PEAK1: variants seen among roughly 807,000 people sequenced by gnomAD.
PEAK1 encodes the protein inactive tyrosine-protein kinase PEAK1.
In PEAK1, 54 loss-of-function variants were observed where a neutral mutation model predicts 124.7. The ratio of observed to expected loss-of-function variants is 0.43; its 90% CI spans 0.35 to 0.54. PEAK1 has a LOEUF of 0.54. PEAK1 is among the 20% of genes least tolerant of loss of function. The pLI, the probability that PEAK1 is intolerant of heterozygous loss-of-function variation, is 0.01. For missense variants in PEAK1, 2,046 were observed against 2,134.5 expected (o/e 0.96, Z 0.82); for synonymous variants, 719 against 760.0 (o/e 0.95, Z 0.89).
At chr15:77,130,602 G>A (rs918841775) in intron 9 of PEAK1, among the ~76,000 whole-genome samples, 2 of 152,096 alleles carry the variant, frequency 1.3e-5, no homozygotes, top group African/African-American at 4.8e-5. Context: ...GATACCATCT[G>A]GTCTTTCTAA....
chr15:77,102,413 T>C (rs915324163), exon 7 of PEAK1: 1 of 152,238 alleles, frequency 6.6e-6, no homozygotes, highest in African/African-American at 2.4e-5. Context: ...GTCAAACCTA[T>C]TGATCTTTCC....
chr15:77,278,205 C>T (rs1363413719), intron 5 of PEAK1, among the ~76,000 whole-genome samples: 1 of 151,940 alleles, frequency 6.6e-6, no homozygotes, highest in Non-Finnish European at 1.5e-5. Flanking sequence ...ACACTGGAAA[C>T]GAAATGTTCA....
chr15:77,404,306 TG>T (rs1567359241), intron 1 of PEAK1: 8 of 985,390 alleles, frequency 8.1e-6, no homozygotes, highest in Non-Finnish European at 9.6e-6. Context: ...TTGCATCTTC[TG>T]GGGGGAAATT....
intron 5 of PEAK1, among the ~76,000 whole-genome samples, chr15:77,258,950 T>G (rs907424321): frequency 6.6e-6 from 1 of 152,236 alleles, no homozygotes; most frequent in African/African-American, 2.4e-5. Context: ...TGTTGAATTT[T>G]GTCAAAGGCC....
Position 77,315,413 on chromosome 15 carries a change from G to C in PEAK1, c.-602-28909C>G, listed in dbSNP as rs759553492. On this transcript the variant is annotated intron_variant, in intron 2 of 9. Transcript: ENST00000682557. ...AACATTTTATTCTTTAAAAGATTCA[G>C]ACTAACAGAGTTACTTAGCATTTCG... 2.6e-5 allele frequency among the ~76,000 whole-genome samples: 4 copies of C among 152,234 alleles called. No homozygotes were observed. The South Asian group carries it at 6.2e-4, about 24-fold the overall frequency.
chr15:77,350,933 A>G (rs1247029959), intron 2 of PEAK1: 2 of 985,278 alleles, frequency 2.0e-6, no homozygotes, highest in East Asian at 2.3e-4. Context: ...AGCAATTCAC[A>G]TGTAAAGCAC....
At position 77,250,257 on chromosome 15, in the gene PEAK1, A is replaced by AT. The variant is rs141195382; in HGVS notation, c.-115+2109dup. ...TGTATATGTATATATATATATATAT[A>AT]TTTTTTTTTGACAGAGTTTCACTCC... On this transcript the variant is annotated intron_variant, in intron 6 of 9. Transcript: ENST00000682557. Among the ~76,000 whole-genome samples the AT allele has an allele frequency of 2.1e-3, 267 of 126,206 alleles. 4 individuals are homozygous for AT. The highest frequency in any genetic ancestry group is 7.9e-3 in the Middle Eastern group (2 of 252). The allele number at this position is 126,206 out of a possible 152,430, so 82.8% of individuals were successfully genotyped here.
intron 8 of PEAK1, among the ~76,000 whole-genome samples, chr15:77,150,347 C>T (rs370561306): frequency 3.3e-5 from 5 of 152,008 alleles, no homozygotes; most frequent in Non-Finnish European, 7.4e-5. Flanking sequence ...CACTCTGCCT[C>T]GCTTTCTTTA....
intron 2 of PEAK1, chr15:77,347,544 T>A: frequency 1.0e-6 from 1 of 985,346 alleles, no homozygotes; most frequent in Non-Finnish European, 1.2e-6. Context: ...ATAAATGAAC[T>A]CCAATCACAA....
intron 6 of PEAK1, among the ~76,000 whole-genome samples, chr15:77,235,663 G>A (rs1011846374): frequency 3.3e-5 from 5 of 152,224 alleles, no homozygotes; most frequent in East Asian, 1.9e-4. Flanking sequence ...CATAAGTAAT[G>A]GGCAGCTGAA....
intron 6 of PEAK1, among the ~76,000 whole-genome samples, chr15:77,189,123 C>T (rs1237346670): frequency 2.0e-5 from 3 of 152,118 alleles, no homozygotes; most frequent in Non-Finnish European, 4.4e-5. Context: ...ATCACTTGAA[C>T]CTGGGAGGGG....
intron 8 of PEAK1, among the ~76,000 whole-genome samples, chr15:77,147,921 C>T (rs1316552912): frequency 6.6e-6 from 1 of 152,200 alleles, no homozygotes; most frequent in African/African-American, 2.4e-5. Context: ...CTACTATCTA[C>T]ATGCGGCTAC....
At chr15:77,242,616 CA>C (rs2060408872) in intron 6 of PEAK1, among the ~76,000 whole-genome samples, 1 of 151,972 alleles carries the variant, frequency 6.6e-6, no homozygotes, top group South Asian at 2.1e-4. Flanking sequence ...TTTTTTTCCA[CA>C]AAAGGGGTCT....
intron 2 of PEAK1, among the ~76,000 whole-genome samples, chr15:77,339,110 T>G (rs2066378289): frequency 6.6e-6 from 1 of 151,214 alleles, no homozygotes; most frequent in Non-Finnish European, 1.5e-5. Context: ...GGTAAAATGT[T>G]AAGACTTTTT....
chr15:77,222,729 A>C (rs541163273), intron 6 of PEAK1, among the ~76,000 whole-genome samples: 5 of 152,136 alleles, frequency 3.3e-5, no homozygotes, highest in Non-Finnish European at 5.9e-5. Flanking sequence ...AGCCTGCTGG[A>C]ACTCCAGAGA....
chr15:77,302,564 T>C (rs899262259), intron 2 of PEAK1, among the ~76,000 whole-genome samples: 4 of 152,158 alleles, frequency 2.6e-5, no homozygotes, highest in Non-Finnish European at 5.9e-5. Flanking sequence ...ACTTTATCAG[T>C]AGAGTACAGG....
rs1555461302 is a variant in PEAK1, at chr15:77,266,199, A to C, written c.-274-13673T>G. On this transcript the variant is annotated intron_variant, in intron 5 of 9. Transcript: ENST00000682557. ...GCGCACCAGCATGTCACATGTATAC[A>C]TATGTAACTAACCTGCACATTGTGC... is the stretch of plus-strand genomic sequence containing the variant. Among the ~76,000 whole-genome samples the C allele has an allele frequency of 2.6e-5, 4 of 152,204 alleles. No individual in the cohort carries two copies. In the South Asian group the frequency reaches 8.3e-4, roughly 31 times the overall value.
chr15:77,417,738 A>AG (rs1350142553), intron 1 of PEAK1: 39 of 985,368 alleles, frequency 4.0e-5, no homozygotes, highest in Non-Finnish European at 4.7e-5. Flanking sequence ...ACAGTTAAAA[A>AG]GAACAACAAA....
intron 2 of PEAK1, among the ~76,000 whole-genome samples, chr15:77,288,074 T>C (rs550315094): frequency 2.3e-4 from 35 of 152,138 alleles, no homozygotes; most frequent in Non-Finnish European, 1.8e-4. Flanking sequence ...GCCAACATGA[T>C]TGGTTTAAAA....
Sources: allele counts gnomAD v4.1 joint callset (sites outside exome capture counted in the v4.1 genomes callset), GRCh38; gene constraint gnomAD v4.1.1; transcripts MANE v1.5; gene names NCBI Gene and HGNC (gene_info 2026-07-23, HGNC 2026-07-21).